Variants in IL31RA observed in about 807,000 individuals in gnomAD.
The protein encoded by IL31RA is interleukin 31 receptor A.
Under a neutral mutation model 83.7 loss-of-function variants are expected in IL31RA, and 66 were observed. That is an observed-to-expected ratio of 0.79 (90% CI 0.65 to 0.97). The LOEUF (loss-of-function observed/expected upper bound fraction) is 0.97. Ranked by LOEUF, IL31RA falls within the 50% of genes least tolerant of loss-of-function variation. The pLI is 0.00. For synonymous variants in IL31RA, 325 were observed against 329.0 expected, an observed-to-expected ratio of 0.99 and a Z score of 0.13; for missense variants, 798 against 919.4, an observed-to-expected ratio of 0.87 and a Z score of 1.71.
intron 2 of IL31RA, among the ~76,000 whole-genome samples, chr5:55,864,352 C>CCACACTACACACACACACAT (rs1554084852): frequency 6.8e-6 from 1 of 146,936 alleles, no homozygotes; most frequent in Non-Finnish European, 1.5e-5. Flanking sequence ...CACACACACA[C>CCACACTACACACACACACAT]ACACCACACA....
At chr5:55,907,482 TG>T in intron 10 of IL31RA, 22 bp downstream of exon 10, 1 of 1,500,592 alleles carries the variant, frequency 6.7e-7, no homozygotes, top group South Asian at 1.1e-5. Flanking sequence ...CAAGACCCTG[TG>T]GGGAAAAGGA....
intron 2 of IL31RA, 125 bp downstream of exon 2, chr5:55,859,724 C>T (rs1745556810): frequency 2.6e-6 from 2 of 756,096 alleles, no homozygotes; most frequent in Admixed American, 1.9e-5. Flanking sequence ...GACTTGTGAA[C>T]ACCCTGAATT....
Position 55,921,876 on chromosome 5 carries a change from G to A in IL31RA, c.*4756G>A, listed in dbSNP as rs1189367139. Among the ~76,000 whole-genome samples the A allele has an allele frequency of 2.0e-5, 3 of 152,164 alleles. No individual in the cohort carries two copies. The highest frequency in any genetic ancestry group is 2.1e-4 in the South Asian group (1 of 4,824). ...GGACTCAGTAGGCCCTTAGCACAGC[G>A]GGTGGACTTTGCCATTTGGTTGACT... On this transcript the variant is annotated 3_prime_UTR_variant, in exon 15 of 15. Transcript: ENST00000652347.
chr5:55,845,796 G>A, the IL31RA span, among the ~76,000 whole-genome samples: 64 of 152,282 alleles, frequency 4.2e-4, no homozygotes, highest in African/African-American at 1.4e-3. Flanking sequence ...CTTCATAGCA[G>A]TGTGAGAACG....
chr5:55,914,327 T>A (rs947378031), intron 13 of IL31RA, among the ~76,000 whole-genome samples: 2 of 152,206 alleles, frequency 1.3e-5, no homozygotes, highest in African/African-American at 2.4e-5. Flanking sequence ...ATCATTTTGA[T>A]CTTAGCATGC....
At chr5:55,841,748 G>A in the IL31RA span, among the ~76,000 whole-genome samples, 1 of 152,102 alleles carries the variant, frequency 6.6e-6, no homozygotes, top group Non-Finnish European at 1.5e-5. Context: ...CATGTAACCT[G>A]GGATCCTATC....
intron 4 of IL31RA, among the ~76,000 whole-genome samples, chr5:55,880,958 G>A (rs888318118): frequency 1.3e-5 from 2 of 152,148 alleles, no homozygotes; most frequent in African/African-American, 4.8e-5. Flanking sequence ...AGGGGCATAC[G>A]ACAGAAGAAG....
At chr5:55,850,523 T>C (rs1745027040), upstream of IL31RA, among the ~76,000 whole-genome samples, 1 of 151,974 alleles carries the variant, frequency 6.6e-6, no homozygotes. Context: ...GGGTACAACA[T>C]TTTTTCTTAT....
intron 8 of IL31RA, among the ~76,000 whole-genome samples, chr5:55,905,058 A>T (rs1749059125): frequency 6.6e-6 from 1 of 151,618 alleles, no homozygotes; most frequent in South Asian, 2.1e-4. Flanking sequence ...AAAATTAGCC[A>T]GGTGTGTTAG....
In IL31RA at chr5:55,921,407, A is replaced by T. The variant is rs79383043; in HGVS notation, c.*4287A>T. On this transcript the variant is annotated 3_prime_UTR_variant, in exon 15 of 15. Transcript: ENST00000652347. ...CCTGCATGGTGTGGTTTGCTAAGGC[A>T]TCCCTTGGTTGATAGGATTCGTTTA... Among the ~76,000 whole-genome samples, 1 of 152,354 alleles carries T rather than the reference A, an allele frequency of 6.6e-6. No homozygotes were observed. The highest frequency in any genetic ancestry group is 1.9e-4 in the East Asian group (1 of 5,184).
At chr5:55,915,069 C>T (rs568309855) in intron 14 of IL31RA, 141 bp downstream of exon 14, 46 of 719,468 alleles carry the variant, frequency 6.4e-5, no homozygotes, top group Middle Eastern at 2.9e-4. Flanking sequence ...CAGGGAATGG[C>T]AGGCAGGGCA....
chr5:55,904,592 G>A, intron 8 of IL31RA, among the ~76,000 whole-genome samples: 1 of 152,208 alleles, frequency 6.6e-6, no homozygotes, highest in African/African-American at 2.4e-5. Context: ...CCTTCTCAGA[G>A]TTACCTTTTC....
At chr5:55,893,376 A>T (rs183589547) in intron 6 of IL31RA, among the ~76,000 whole-genome samples, 5 of 152,380 alleles carry the variant, frequency 3.3e-5, no homozygotes, top group Non-Finnish European at 5.9e-5. Flanking sequence ...GTTGGTCTCT[A>T]GCAGGGGCAC....
intron 8 of IL31RA, among the ~76,000 whole-genome samples, chr5:55,900,682 C>A (rs1188593284): frequency 6.6e-6 from 1 of 152,212 alleles, no homozygotes; most frequent in African/African-American, 2.4e-5. Flanking sequence ...TGCTCCCAGG[C>A]AAACTCATAT....
chr5:55,892,001 T>A (rs1302721536), intron 6 of IL31RA, among the ~76,000 whole-genome samples: 1 of 151,932 alleles, frequency 6.6e-6, no homozygotes, highest in East Asian at 1.9e-4. Context: ...AGTCTTGATC[T>A]CCTGACCTCA....
chr5:55,899,207 A>G (rs183919813), intron 7 of IL31RA, among the ~76,000 whole-genome samples: 9 of 152,314 alleles, frequency 5.9e-5, no homozygotes, highest in African/African-American at 2.2e-4. Context: ...TCCTGGACTT[A>G]TATTCAGGCA....
intron 8 of IL31RA, among the ~76,000 whole-genome samples, chr5:55,905,285 C>A (rs1053560272): frequency 1.3e-5 from 2 of 151,734 alleles, no homozygotes; most frequent in Non-Finnish European, 2.9e-5. Context: ...TTGAGGAGTG[C>A]AACGCTGGTG....
intron 11 of IL31RA, chr5:55,909,005 T>G: frequency 1.7e-6 from 1 of 599,112 alleles, no homozygotes; most frequent in South Asian, 5.5e-5. Context: ...CTTCTATTTC[T>G]GCCCAAATAG....
At chr5:55,864,518 A>C (rs1296838746) in intron 2 of IL31RA, among the ~76,000 whole-genome samples, 2 of 150,598 alleles carry the variant, frequency 1.3e-5, no homozygotes, top group African/African-American at 4.9e-5. Flanking sequence ...ACCACACTAC[A>C]CACACACTAT....
Sources: allele counts gnomAD v4.1 joint callset (sites outside exome capture counted in the v4.1 genomes callset), GRCh38; gene constraint gnomAD v4.1.1; transcripts MANE v1.5; gene names NCBI Gene and HGNC (gene_info 2026-07-23, HGNC 2026-07-21).